PHACTR3: variants seen among roughly 807,000 people sequenced by gnomAD.
The protein encoded by PHACTR3 is protein phosphatase 1, regulatory subunit 123.
PHACTR3 carries 16 observed loss-of-function variants against 66.8 expected under a neutral mutation model. The ratio of observed to expected loss-of-function variants is 0.24; its 90% CI spans 0.16 to 0.36. The LOEUF is 0.36. Ranked by LOEUF, PHACTR3 falls within the 10% of genes least tolerant of loss-of-function variation. The pLI, the probability that PHACTR3 is intolerant of heterozygous loss-of-function variation, is 1.00. For synonymous variants in PHACTR3, 323 were observed against 292.1 expected (o/e 1.11, Z -1.08); for missense variants, 647 against 719.9 (o/e 0.90, Z 1.16).
In PHACTR3 at chr20:59,743,264, G is replaced by C. The variant is rs376294032; in HGVS notation, c.276G>C (p.Thr92=). The change falls in exon 2 of 13, where the codon ACG becomes ACC. Residue 92 remains threonine, a synonymous_variant. Transcript: ENST00000371015. ...KKKNEKLKQT[T]SALEKKMAGR... ...AAAACGAAAAACTGAAGCAGACAAC[G>C]TCAGGTAAAGGCCTGGTGACAGGCG... 3.1e-6 allele frequency: 5 copies of C among 1,613,978 alleles called. No individual in the cohort carries two copies. The highest frequency in any genetic ancestry group is 4.2e-6 in the Non-Finnish European group (5 of 1,179,964).
chr20:59,682,917 C>T (rs906297023), intron 1 of PHACTR3, among the ~76,000 whole-genome samples: 8 of 152,042 alleles, frequency 5.3e-5, no homozygotes, highest in East Asian at 1.9e-4. Flanking sequence ...CTGAGTGTGA[C>T]GGGTCGGGGG....
intron 8 of PHACTR3, among the ~76,000 whole-genome samples, chr20:59,827,010 C>A (rs2042213213): frequency 6.6e-6 from 1 of 152,190 alleles, no homozygotes; most frequent in Admixed American, 6.5e-5. Context: ...TCCCTCCCTC[C>A]TTCCCTCCCA....
intron 11 of PHACTR3, among the ~76,000 whole-genome samples, chr20:59,843,174 T>C (rs1169226326): frequency 1.3e-5 from 2 of 152,060 alleles, no homozygotes; most frequent in African/African-American, 2.4e-5. Context: ...GAAAGACCTC[T>C]ACAAGGAAAA....
At chr20:59,586,194 C>A (rs1025184771) in intron 1 of PHACTR3, among the ~76,000 whole-genome samples, 3 of 152,232 alleles carry the variant, frequency 2.0e-5, no homozygotes, top group Admixed American at 6.5e-5. Flanking sequence ...AGACTTCCTG[C>A]CTCCTGCACA....
intron 1 of PHACTR3, among the ~76,000 whole-genome samples, chr20:59,671,698 T>C (rs1165355081): frequency 6.6e-6 from 1 of 152,256 alleles, no homozygotes; most frequent in Non-Finnish European, 1.5e-5. Flanking sequence ...TGATATTGGC[T>C]GTCTCCGGGG....
intron 1 of PHACTR3, among the ~76,000 whole-genome samples, chr20:59,607,051 A>C (rs577586979): frequency 4.6e-5 from 7 of 152,202 alleles, no homozygotes; most frequent in African/African-American, 1.7e-4. Flanking sequence ...TGGGAACTTG[A>C]TGGAGGAAGG....
chr20:59,688,592 C>T (rs1274147703), intron 1 of PHACTR3, among the ~76,000 whole-genome samples: 2 of 152,224 alleles, frequency 1.3e-5, no homozygotes, highest in Non-Finnish European at 2.9e-5. Flanking sequence ...TTGCACAGAA[C>T]CCTACAGTAC....
chr20:59,755,493 T>C lies in PHACTR3; in HGVS notation c.541+129T>C. 4.6e-6 allele frequency: 5 copies of C among 1,078,070 alleles called. No individual in the cohort carries two copies. In the South Asian group the frequency reaches 4.9e-5, roughly 10 times the overall value. 66.8% of individuals were successfully genotyped at this position (1,078,070 alleles called of 1,614,324 possible). On this transcript the variant is annotated intron_variant, in intron 4 of 12. Transcript: ENST00000371015. ...GTTCTCCAGAGAGCTGGGCCCGTGC[T>C]CTAAGCGCTGCCATGCTGTGCTGCC... is the stretch of plus-strand genomic sequence containing the variant.
intron 1 of PHACTR3, among the ~76,000 whole-genome samples, chr20:59,614,166 A>G (rs1454215520): frequency 6.6e-6 from 1 of 152,160 alleles, no homozygotes; most frequent in Non-Finnish European, 1.5e-5. Flanking sequence ...TGCCTCCCTC[A>G]TCCTGCAACT....
At chr20:59,777,196 A>G (rs1257144727) in intron 7 of PHACTR3, among the ~76,000 whole-genome samples, 3 of 152,064 alleles carry the variant, frequency 2.0e-5, no homozygotes, top group Non-Finnish European at 2.9e-5. Context: ...TCATATGAGG[A>G]TAGTAGTATT....
intron 7 of PHACTR3, among the ~76,000 whole-genome samples, chr20:59,791,807 A>G (rs1324063676): frequency 1.5e-4 from 21 of 142,392 alleles, no homozygotes; most frequent in African/African-American, 5.5e-4. Context: ...TCATTGTTTC[A>G]TACTGATTGT....
chr20:59,722,030 A>G (rs1247971023), intron 1 of PHACTR3, among the ~76,000 whole-genome samples: 2 of 152,090 alleles, frequency 1.3e-5, no homozygotes, highest in Admixed American at 1.3e-4. Context: ...GGAGATCGAG[A>G]CCATCCTGGC....
intron 1 of PHACTR3, among the ~76,000 whole-genome samples, chr20:59,581,881 A>G (rs944315313): frequency 4.5e-5 from 1 of 22,030 alleles, no homozygotes; most frequent in African/African-American, 6.6e-4. Flanking sequence ...ACTCCGTCTC[A>G]AAAAAAAAAA....
In PHACTR3 at chr20:59,695,259, G is replaced by T. The variant is rs377041999; in HGVS notation, c.119-47848G>T. Reference sequence around the variant, plus strand: ...CGAATTGTAATCCGTAGTGTTGGAAGAGGGGCCTGGTGGGAGGTGATTGGA... The same window carrying T: ...CGAATTGTAATCCGTAGTGTTGGAATAGGGGCCTGGTGGGAGGTGATTGGA... On this transcript the variant is annotated intron_variant, in intron 1 of 12. Coordinates refer to ENST00000371015, the MANE Select transcript of PHACTR3 (RefSeq NM_080672.5). Among the ~76,000 whole-genome samples, 24 of 152,180 alleles carry T rather than the reference G, an allele frequency of 1.6e-4. 1 individual carries two copies. The highest frequency in any genetic ancestry group is 9.6e-4 in the East Asian group (5 of 5,194).
rs995089800 is a variant in PHACTR3 at position 59,736,858 on chromosome 20, G to C, written c.119-6249G>C. ...CTTGAGCCACCCCAGGGAAGGCAGA[G>C]GGGAGAGGGAATTTCCTCCCAAGGG... On this transcript the variant is annotated intron_variant, in intron 1 of 12. Transcript: ENST00000371015. The surrounding 1 kb of genome is among the most constrained non-coding windows in gnomAD (Gnocchi z 4.6). Among the ~76,000 whole-genome samples, 3 of 152,128 alleles carry C rather than the reference G, an allele frequency of 2.0e-5. No individual in the cohort carries two copies. The highest frequency in any genetic ancestry group is 4.4e-5 in the Non-Finnish European group (3 of 68,006).
At chr20:59,696,773 A>G (rs1461362914) in intron 1 of PHACTR3, among the ~76,000 whole-genome samples, 1 of 152,116 alleles carries the variant, frequency 6.6e-6, no homozygotes, top group Non-Finnish European at 1.5e-5. Context: ...TTTGAGGCTG[A>G]TGGACCCTGG....
At chr20:59,795,002 CT>C (rs917468623) in intron 7 of PHACTR3, among the ~76,000 whole-genome samples, 14 of 151,990 alleles carry the variant, frequency 9.2e-5, no homozygotes, top group African/African-American at 2.4e-4. Flanking sequence ...TATTTTATTT[CT>C]GCTCTAACCT....
At chr20:59,690,229 CACCACCGCCT>C (rs1020851869) in intron 1 of PHACTR3, among the ~76,000 whole-genome samples, 1 of 152,208 alleles carries the variant, frequency 6.6e-6, no homozygotes, top group Non-Finnish European at 1.5e-5. Context: ...CTCTAACCCA[CACCACCGCCT>C]ACCATGCACA....
Position 59,771,421 on chromosome 20 carries a change from G to A in PHACTR3, c.752-1858G>A, listed in dbSNP as rs139835177. ...TGGGTCTCCCTGCAGCCCCTGCCCT[G>A]CCTGGCCACTTCTTGCATGGCTGGC... is the stretch of plus-strand genomic sequence containing the variant. On this transcript the variant is annotated intron_variant, in intron 5 of 12. Coordinates refer to ENST00000371015, the MANE Select transcript of PHACTR3 (RefSeq NM_080672.5). 3.5e-3 allele frequency among the ~76,000 whole-genome samples: 537 copies of A among 152,254 alleles called. 8 individuals carry two copies. Among genetic ancestry groups the A allele is most frequent in the Non-Finnish European group, 4.0e-3 (269 of 68,000 alleles).
Sources: allele counts gnomAD v4.1 joint callset (sites outside exome capture counted in the v4.1 genomes callset), GRCh38; gene constraint gnomAD v4.1.1; non-coding constraint Gnocchi (gnomAD v3.1); transcripts MANE v1.5; gene names NCBI Gene and HGNC (gene_info 2026-07-23, HGNC 2026-07-21).